The following NLK variants were observed in gnomAD, a reference collection of about 807,000 sequenced individuals.
NLK encodes the protein serine/threonine-protein kinase NLK.
In NLK, 11 loss-of-function variants were observed where a neutral mutation model predicts 59.0. That is an observed-to-expected ratio of 0.19 (90% CI 0.12 to 0.31). NLK has a LOEUF of 0.31. Among genes scored for constraint, NLK ranks in the 10% least tolerant of loss-of-function variants. The pLI is 1.00. For missense variants in NLK, 410 were observed against 661.1 expected (o/e 0.62, Z 4.16); for synonymous variants, 235 against 235.9 (o/e 1.00, Z 0.03).
In NLK at chr17:28,114,648, C is replaced by A. The variant is rs113171548; in HGVS notation, c.459-7955C>A. 8.8e-3 allele frequency among the ~76,000 whole-genome samples: 1,336 copies of A among 152,280 alleles called. 21 individuals are homozygous for A. Among genetic ancestry groups the A allele is most frequent in the African/African-American group, 0.03 (1,258 of 41,552 alleles). Reference sequence around the variant, plus strand: ...TTCCCTGCCTTAATATCATATTCTTCTATACGTTATCTTCTAAAAGCGATG... The same window carrying A: ...TTCCCTGCCTTAATATCATATTCTTATATACGTTATCTTCTAAAAGCGATG... On this transcript the variant is annotated intron_variant, in intron 1 of 10. Transcript: ENST00000407008.
At chr17:28,134,085 A>T (rs975744226) in intron 3 of NLK, among the ~76,000 whole-genome samples, 8 of 152,100 alleles carry the variant, frequency 5.3e-5, no homozygotes, top group African/African-American at 1.9e-4. Flanking sequence ...TTTGAAAAAA[A>T]AATAAAAATA....
At chr17:28,115,435 C>T (rs765380670) in intron 1 of NLK, among the ~76,000 whole-genome samples, 1 of 152,298 alleles carries the variant, frequency 6.6e-6, no homozygotes, top group Admixed American at 6.5e-5. Context: ...CTCTGCAGAG[C>T]CAACTTTTTG....
chr17:28,116,319 G>A (rs2142810888), intron 1 of NLK: 1 of 203,632 alleles, frequency 4.9e-6, no homozygotes, highest in East Asian at 1.1e-4. Context: ...TTCAGGATCA[G>A]ACCATGCTGG....
At chr17:28,148,147 C>T (rs554267112) in intron 3 of NLK, among the ~76,000 whole-genome samples, 1 of 152,034 alleles carries the variant, frequency 6.6e-6, no homozygotes, top group South Asian at 2.1e-4. Context: ...TTTGATCTCC[C>T]ATCAAAGGCC....
chr17:28,099,775 T>C (rs1325952591), intron 1 of NLK, among the ~76,000 whole-genome samples: 2 of 151,258 alleles, frequency 1.3e-5, no homozygotes, highest in Non-Finnish European at 2.9e-5. Context: ...AGACGGGGTT[T>C]CACCTTGTTA....
chr17:28,063,394 A>G (rs778783308), intron 1 of NLK, among the ~76,000 whole-genome samples: 1 of 152,202 alleles, frequency 6.6e-6, no homozygotes, highest in Non-Finnish European at 1.5e-5. Flanking sequence ...GAGGAAAAAG[A>G]ATTTAAAATC....
chr17:28,201,480 G>A, the NLK span, among the ~76,000 whole-genome samples: 2 of 150,822 alleles, frequency 1.3e-5, no homozygotes, highest in South Asian at 4.2e-4. Flanking sequence ...GGAGGTGGAG[G>A]TTGCAGTGAG....
At chr17:28,127,336 A>G (rs1194458654) in intron 2 of NLK, among the ~76,000 whole-genome samples, 1 of 152,226 alleles carries the variant, frequency 6.6e-6, no homozygotes, top group Admixed American at 6.5e-5. Flanking sequence ...GACCTAACTC[A>G]TACAACACCC....
chr17:28,184,298 G>C (rs1909031572), intron 7 of NLK, among the ~76,000 whole-genome samples: 1 of 152,200 alleles, frequency 6.6e-6, no homozygotes, highest in South Asian at 2.1e-4. Flanking sequence ...CATTCTTATA[G>C]TTTACATGCT....
intron 1 of NLK, among the ~76,000 whole-genome samples, chr17:28,081,674 A>G (rs867251394): frequency 9.2e-5 from 14 of 152,330 alleles, no homozygotes; most frequent in Middle Eastern, 3.4e-3. Context: ...TGACGTGTAC[A>G]CTGGGGTAAC....
intron 1 of NLK, among the ~76,000 whole-genome samples, chr17:28,098,009 A>C (rs180823023): frequency 9.2e-5 from 14 of 152,220 alleles, no homozygotes; most frequent in African/African-American, 3.4e-4. Flanking sequence ...GTAATTTTTT[A>C]AGGTGTCGAC....
chr17:28,096,223 C>G (rs1225951806), intron 1 of NLK, among the ~76,000 whole-genome samples: 1 of 152,080 alleles, frequency 6.6e-6, no homozygotes, highest in Non-Finnish European at 1.5e-5. Context: ...TCTACTGACT[C>G]ACTAAAAATA....
intron 1 of NLK, among the ~76,000 whole-genome samples, chr17:28,109,612 A>G (rs1466286494): frequency 6.6e-6 from 1 of 152,120 alleles, no homozygotes; most frequent in Non-Finnish European, 1.5e-5. Flanking sequence ...GTGATATATT[A>G]TGTAGTCTTT....
chr17:28,042,953 A>G lies in NLK; in HGVS notation c.80A>G (p.His27Arg). The change falls in exon 1 of 11, where the codon CAC becomes CGC. Residue 27 changes from histidine (H) to arginine (R), a missense_variant. His to Arg is a conservative substitution (Grantham distance 29). Transcript: ENST00000407008. ...GGTACATCTGCAGCAGCAGCAGGTC[A>G]CCACCACCACCATCACCACCACCTT... ...NGGTSAAAAG[H>R]HHHHHHHLPH... 6.4e-7 allele frequency: 1 copy of G among 1,550,730 alleles called. No individual in the cohort carries two copies. The highest frequency in any genetic ancestry group is 1.2e-5 in the South Asian group (1 of 83,436).
At chr17:28,053,079 CTT>C in intron 1 of NLK, among the ~76,000 whole-genome samples, 1 of 151,922 alleles carries the variant, frequency 6.6e-6, no homozygotes, top group African/African-American at 2.4e-5. Context: ...CCTGGCCTCT[CTT>C]TGGCTTTTGT....
rs555540910 is a variant in NLK, at chr17:28,128,691, C to A, written c.589-3929C>A. 3.3e-5 allele frequency among the ~76,000 whole-genome samples: 5 copies of A among 152,308 alleles called. No individual in the cohort carries two copies. The South Asian group carries it at 1.0e-3, about 32-fold the overall frequency. ...GCAAGGACATAGATCAACTGAAACT[C>A]TAATCCATTGCTAGTGAGAGCATAA... On this transcript the variant is annotated intron_variant, in intron 2 of 10. Coordinates refer to ENST00000407008, the MANE Select transcript of NLK (RefSeq NM_016231.5).
chr17:28,140,316 A>G (rs1906933563), intron 3 of NLK, among the ~76,000 whole-genome samples: 1 of 152,204 alleles, frequency 6.6e-6, no homozygotes, highest in Non-Finnish European at 1.5e-5. Context: ...AGGAGTTTGT[A>G]TTTGATAATG....
intron 1 of NLK, among the ~76,000 whole-genome samples, chr17:28,100,727 AT>A (rs1425819101): frequency 6.6e-6 from 1 of 152,026 alleles, no homozygotes; most frequent in African/African-American, 2.4e-5. Context: ...CATTTCATCT[AT>A]TTTTTTACTT....
intron 1 of NLK, among the ~76,000 whole-genome samples, chr17:28,075,829 G>C (rs963732152): frequency 1.3e-5 from 2 of 151,432 alleles, no homozygotes; most frequent in Non-Finnish European, 2.9e-5. Context: ...TCCTCTTCCC[G>C]CACCCTTTAA....
Sources: allele counts gnomAD v4.1 joint callset (sites outside exome capture counted in the v4.1 genomes callset), GRCh38; gene constraint gnomAD v4.1.1; transcripts MANE v1.5; gene names NCBI Gene and HGNC (gene_info 2026-07-23, HGNC 2026-07-21).